The following ACYP2 variants were observed in gnomAD, a reference collection of about 807,000 sequenced individuals.
ACYP2 encodes acylphosphatase-2.
A neutral mutation model predicts 11.2 loss-of-function variants in ACYP2; 12 were observed. The observed-to-expected ratio is 1.08, with a 90% CI of 0.69 to 1.74. The LOEUF is 1.74. ACYP2 is among the 40% of genes most tolerant of loss of function. The pLI is 0.00. For missense variants in ACYP2, 134 were observed against 101.9 expected, an observed-to-expected ratio of 1.31 and a Z score of -1.35; for synonymous variants, 43 against 32.2, an observed-to-expected ratio of 1.33 and a Z score of -1.13.
intron 6 of ACYP2, among the ~76,000 whole-genome samples, chr2:54,167,996 C>T (rs1309117019): frequency 1.3e-5 from 2 of 152,166 alleles, no homozygotes; most frequent in African/African-American, 4.8e-5. Flanking sequence ...CTCATTCCAT[C>T]CCATTTCTCC....
chr2:54,222,173 G>C (rs1199781881), intron 6 of ACYP2, among the ~76,000 whole-genome samples: 1 of 152,150 alleles, frequency 6.6e-6, no homozygotes, highest in South Asian at 2.1e-4. Context: ...TGAGTTTTAG[G>C]ACTTGACCCA....
chr2:54,185,090 A>C (rs771152042), intron 6 of ACYP2, among the ~76,000 whole-genome samples: 5 of 152,176 alleles, frequency 3.3e-5, no homozygotes, highest in Non-Finnish European at 5.9e-5. Flanking sequence ...AATTCTAATT[A>C]TAATGAAAAT....
At chr2:54,018,435 T>C (rs1673813919) in intron 2 of ACYP2, among the ~76,000 whole-genome samples, 4 of 152,162 alleles carry the variant, frequency 2.6e-5, no homozygotes, top group African/African-American at 7.2e-5. Context: ...ATGTCTTTTT[T>C]GTTTTGACAG....
intron 4 of ACYP2, among the ~76,000 whole-genome samples, chr2:54,076,134 C>T (rs1677327348): frequency 6.6e-6 from 1 of 152,078 alleles, no homozygotes; most frequent in Admixed American, 6.6e-5. Context: ...CTTAGTTTTT[C>T]ATATGTAAAA....
At chr2:54,036,364 G>A (rs951936878) in intron 2 of ACYP2, among the ~76,000 whole-genome samples, 5 of 152,196 alleles carry the variant, frequency 3.3e-5, no homozygotes, top group Non-Finnish European at 7.3e-5. Flanking sequence ...AAAGTGTTGG[G>A]ATTACAGGCG....
intron 6 of ACYP2, among the ~76,000 whole-genome samples, chr2:54,163,234 T>G (rs1682804134): frequency 6.6e-6 from 1 of 152,232 alleles, no homozygotes; most frequent in African/African-American, 2.4e-5. Context: ...GTGAGTTATC[T>G]GTGATTTATG....
At chr2:54,086,930 T>C (rs74875678) in intron 4 of ACYP2, among the ~76,000 whole-genome samples, 1 of 152,346 alleles carries the variant, frequency 6.6e-6, no homozygotes, top group East Asian at 1.9e-4. Context: ...GCACAGGATT[T>C]TCCAAACTTA....
At chr2:54,254,829 G>T (rs1687415017) in intron 6 of ACYP2, 2 of 1,323,600 alleles carry the variant, frequency 1.5e-6, no homozygotes, top group African/African-American at 1.5e-5. Flanking sequence ...AACAAAAAAA[G>T]TAAAGGGCAT....
intron 2 of ACYP2, among the ~76,000 whole-genome samples, chr2:53,981,659 G>A (rs1671768992): frequency 6.6e-6 from 1 of 152,158 alleles, no homozygotes; most frequent in African/African-American, 2.4e-5. Context: ...CTTAGTTTTG[G>A]AAAGTTGGGG....
chr2:54,008,982 G>A (rs139931085), intron 2 of ACYP2, among the ~76,000 whole-genome samples: 39,321 of 151,614 alleles, frequency 0.26, 5,764 homozygotes, highest in South Asian at 0.46. Flanking sequence ...GTGAAACCCC[G>A]TCTATACTAA....
At chr2:54,097,568 T>G (rs1029716985) in intron 4 of ACYP2, among the ~76,000 whole-genome samples, 6 of 152,194 alleles carry the variant, frequency 3.9e-5, no homozygotes, top group Non-Finnish European at 8.8e-5. Context: ...TTATAATATT[T>G]TGGAAATTTT....
chr2:54,011,208 C>G (rs142888594), intron 2 of ACYP2, among the ~76,000 whole-genome samples: 10 of 152,122 alleles, frequency 6.6e-5, no homozygotes, highest in Non-Finnish European at 1.2e-4. Context: ...AATAATATAA[C>G]ACTTTTATTC....
At chr2:54,256,230 GAGTAAACACC>G in intron 6 of ACYP2, 1 of 1,496,604 alleles carries the variant, frequency 6.7e-7, no homozygotes, top group Non-Finnish European at 9.0e-7. Flanking sequence ...ACAAAATGGC[GAGTAAACACC>G]TCGCCCATTT....
chr2:54,064,602 A>G (rs1158144246), intron 4 of ACYP2, among the ~76,000 whole-genome samples: 1 of 152,164 alleles, frequency 6.6e-6, no homozygotes, highest in Non-Finnish European at 1.5e-5. Context: ...CCCTGAGTGT[A>G]CTTAGTTGTA....
chr2:54,027,458 C>T (rs1558480296), intron 2 of ACYP2, among the ~76,000 whole-genome samples: 1 of 152,148 alleles, frequency 6.6e-6, no homozygotes, highest in Non-Finnish European at 1.5e-5. Flanking sequence ...AGTTTGTTAC[C>T]ATTCCATCAT....
At chr2:54,248,019 T>A (rs1210728786) in intron 6 of ACYP2, among the ~76,000 whole-genome samples, 3 of 152,232 alleles carry the variant, frequency 2.0e-5, no homozygotes, top group Non-Finnish European at 4.4e-5. Flanking sequence ...ACTATTACCA[T>A]AGCCTATTGT....
At chr2:54,282,307 G>A (rs1388376129) in intron 6 of ACYP2, among the ~76,000 whole-genome samples, 2 of 152,132 alleles carry the variant, frequency 1.3e-5, no homozygotes, top group Admixed American at 6.5e-5. Flanking sequence ...AAATCCCACC[G>A]TCACGGACGA....
At chr2:54,271,653 T>G (rs1351615459) in intron 6 of ACYP2, among the ~76,000 whole-genome samples, 1 of 152,072 alleles carries the variant, frequency 6.6e-6, no homozygotes. Context: ...CCAGTCCTTC[T>G]GCTTGGCAGC....
intron 2 of ACYP2, among the ~76,000 whole-genome samples, chr2:53,983,972 C>G (rs1322392890): frequency 1.3e-5 from 2 of 152,058 alleles, no homozygotes; most frequent in African/African-American, 4.8e-5. Context: ...GGATGCCTTC[C>G]TAAGGTGCTG....
Sources: allele counts gnomAD v4.1 joint callset (sites outside exome capture counted in the v4.1 genomes callset), GRCh38; gene constraint gnomAD v4.1.1; transcripts MANE v1.5; gene names NCBI Gene and HGNC (gene_info 2026-07-23, HGNC 2026-07-21).